The following ZMYND8 variants were observed in gnomAD, a reference collection of about 807,000 sequenced individuals.
The protein encoded by ZMYND8 is MYND-type zinc finger-containing chromatin reader ZMYND8.
In ZMYND8, 37 loss-of-function variants were observed where a neutral mutation model predicts 140.8. The observed-to-expected ratio is 0.26, with a 90% CI of 0.20 to 0.35. The LOEUF (loss-of-function observed/expected upper bound fraction) is 0.35. Among genes scored for constraint, ZMYND8 ranks in the 10% least tolerant of loss-of-function variants. ZMYND8 has a pLI of 1.00. For synonymous variants in ZMYND8, 592 were observed against 597.1 expected, an observed-to-expected ratio of 0.99 and a Z score of 0.12; for missense variants, 1,068 against 1,570.0, an observed-to-expected ratio of 0.68 and a Z score of 5.40.
intron 2 of ZMYND8, among the ~76,000 whole-genome samples, chr20:47,313,586 C>T (rs1036439454): frequency 6.6e-6 from 1 of 151,676 alleles, no homozygotes; most frequent in Middle Eastern, 3.4e-3. Context: ...CGCACCACTG[C>T]ACTCCAACCT....
chr20:47,349,933 C>T lies in ZMYND8; in HGVS notation c.15-2007G>A. 3 of 1,535,338 alleles carry T rather than the reference C, an allele frequency of 2.0e-6. No homozygotes were observed. In the South Asian group the frequency reaches 3.6e-5, roughly 18 times the overall value. The stretch of plus-strand genomic sequence containing the variant: ...TGGAGGAAGGCTGCATTCAAGGGAA[C>T]CATTATTTGGCTTGTAACAGCCTAG... On this transcript the variant is annotated intron_variant, in intron 1 of 22. Transcript: ENST00000471951.
Position 47,262,372 on chromosome 20 carries a change from G to T in ZMYND8, c.1537C>A (p.Pro513Thr). 1.2e-6 allele frequency: 2 copies of T among 1,614,016 alleles called. No homozygotes were observed. Among genetic ancestry groups the T allele is most frequent in the South Asian group, 1.1e-5 (1 of 91,060 alleles). The change falls in exon 12 of 23, where the codon CCC (proline) becomes ACC (threonine). Residue 513 changes from proline (P) to threonine (T), a missense_variant. Transcript: ENST00000471951. ...GGAGCTGACAGTTGAGGAGAGAAGGGCTTTGGGCTGCCGGATAAACTCCCT... is the reference window on the plus strand; with the variant it reads ...GGAGCTGACAGTTGAGGAGAGAAGGTCTTTGGGCTGCCGGATAAACTCCCT... The part of the protein sequence containing the change: ...QAGSLSGSPK[P>T]FSPQLSAPIT...
At chr20:47,250,960 A>G (rs2074120047) in intron 12 of ZMYND8, among the ~76,000 whole-genome samples, 1 of 151,744 alleles carries the variant, frequency 6.6e-6, no homozygotes, top group Non-Finnish European at 1.5e-5. Context: ...GCCAGGAGTT[A>G]GTGGCTGTAC....
intron 14 of ZMYND8, among the ~76,000 whole-genome samples, chr20:47,239,470 G>A (rs2039675539): frequency 1.3e-5 from 2 of 152,198 alleles, no homozygotes; most frequent in South Asian, 4.1e-4. Flanking sequence ...CAATGCGGTG[G>A]GCGAACAGAT....
intron 12 of ZMYND8, among the ~76,000 whole-genome samples, chr20:47,256,983 A>C (rs1237583097): frequency 6.6e-6 from 1 of 152,204 alleles, no homozygotes. Context: ...AGGAGATGGG[A>C]TCATCAGAGA....
intron 11 of ZMYND8, among the ~76,000 whole-genome samples, chr20:47,268,986 A>AG (rs1378892823): frequency 4.6e-5 from 7 of 152,154 alleles, no homozygotes; most frequent in African/African-American, 1.7e-4. Flanking sequence ...AGATCATCTG[A>AG]GGTCAGGAGT....
chr20:47,216,982 A>G (rs1029537340), intron 21 of ZMYND8, among the ~76,000 whole-genome samples: 1 of 152,182 alleles, frequency 6.6e-6, no homozygotes, highest in African/African-American at 2.4e-5. Context: ...TCTCCAGTTA[A>G]GCACTGAGGC....
chr20:47,336,973 TG>T (rs1463978024), intron 2 of ZMYND8, among the ~76,000 whole-genome samples: 1 of 150,972 alleles, frequency 6.6e-6, no homozygotes, highest in Non-Finnish European at 1.5e-5. Context: ...TTGCAACCCT[TG>T]GAATACAGGT....
chr20:47,286,806 C>G (rs2076952758), intron 8 of ZMYND8, among the ~76,000 whole-genome samples: 1 of 152,194 alleles, frequency 6.6e-6, no homozygotes. Flanking sequence ...ACAGGTTCTC[C>G]TGGACACCTG....
chr20:47,273,393 A>G (rs1361835831), intron 11 of ZMYND8, among the ~76,000 whole-genome samples: 1 of 152,066 alleles, frequency 6.6e-6, no homozygotes, highest in Non-Finnish European at 1.5e-5. Context: ...TAAAAATACA[A>G]AGAACATCTG....
intron 7 of ZMYND8, among the ~76,000 whole-genome samples, chr20:47,287,562 T>C (rs1439801858): frequency 6.6e-6 from 1 of 152,236 alleles, no homozygotes; most frequent in Non-Finnish European, 1.5e-5. Flanking sequence ...CTTAAAATGC[T>C]TTGACATTCT....
chr20:47,264,338 G>A (rs2075356182), intron 11 of ZMYND8, among the ~76,000 whole-genome samples: 1 of 152,128 alleles, frequency 6.6e-6, no homozygotes, highest in Non-Finnish European at 1.5e-5. Flanking sequence ...GTGCAGTTGT[G>A]CAATCTCGGC....
At chr20:47,252,075 C>G (rs2074228632) in intron 12 of ZMYND8, among the ~76,000 whole-genome samples, 2 of 151,950 alleles carry the variant, frequency 1.3e-5, no homozygotes, top group South Asian at 4.1e-4. Context: ...GGGAGGATCA[C>G]TTGAGGTCGG....
intron 2 of ZMYND8, among the ~76,000 whole-genome samples, chr20:47,327,527 A>G (rs1376727464): frequency 1.4e-5 from 2 of 146,264 alleles, no homozygotes; most frequent in African/African-American, 5.6e-5. Flanking sequence ...GTGGTGGCAC[A>G]CACCTGTAGT....
chr20:47,305,074 C>T (rs924340355), intron 3 of ZMYND8, among the ~76,000 whole-genome samples: 3 of 151,274 alleles, frequency 2.0e-5, no homozygotes, highest in Non-Finnish European at 4.4e-5. Flanking sequence ...CCTATCTCTA[C>T]AAAAAGTTAA....
At chr20:47,283,132 A>C (rs920597893) in intron 9 of ZMYND8, among the ~76,000 whole-genome samples, 2 of 152,144 alleles carry the variant, frequency 1.3e-5, no homozygotes, top group Non-Finnish European at 2.9e-5. Flanking sequence ...ATCCACAGGG[A>C]AACTAGGGTG....
At chr20:47,336,816 G>T (rs181444927) in intron 2 of ZMYND8, among the ~76,000 whole-genome samples, 2 of 152,310 alleles carry the variant, frequency 1.3e-5, no homozygotes, top group Non-Finnish European at 2.9e-5. Context: ...CAGCGGATGA[G>T]CCATATTCCT....
chr20:47,345,602 G>A (rs962934887), intron 2 of ZMYND8, among the ~76,000 whole-genome samples: 3 of 151,732 alleles, frequency 2.0e-5, no homozygotes, highest in African/African-American at 4.8e-5. Context: ...CCGCCTCCTG[G>A]GTTCAAGCAA....
chr20:47,338,936 G>A (rs534782232), intron 2 of ZMYND8, among the ~76,000 whole-genome samples: 3 of 151,914 alleles, frequency 2.0e-5, no homozygotes, highest in East Asian at 1.9e-4. Flanking sequence ...ATCTGGTCCC[G>A]AGCCTGCCTG....
Sources: allele counts gnomAD v4.1 joint callset (sites outside exome capture counted in the v4.1 genomes callset), GRCh38; gene constraint gnomAD v4.1.1; transcripts MANE v1.5; gene names NCBI Gene and HGNC (gene_info 2026-07-23, HGNC 2026-07-21).